LAMA3: variants seen among roughly 807,000 people sequenced by gnomAD.
LAMA3 encodes laminin subunit alpha-3.
A neutral mutation model predicts 402.0 loss-of-function variants in LAMA3; 281 were observed. The observed-to-expected ratio is 0.70, with a 90% CI of 0.63 to 0.77. The LOEUF is 0.77. Ranked by LOEUF, LAMA3 falls within the 30% of genes least tolerant of loss-of-function variation. The pLI, the probability that LAMA3 is intolerant of heterozygous loss-of-function variation, is 0.00. For missense variants in LAMA3, 3,840 were observed against 4,215.5 expected (o/e 0.91, Z 2.47); for synonymous variants, 1,431 against 1,558.4 (o/e 0.92, Z 1.93).
intron 8 of LAMA3, among the ~76,000 whole-genome samples, chr18:23,763,858 G>A (rs969002538): frequency 1.3e-5 from 2 of 152,168 alleles, no homozygotes; most frequent in Non-Finnish European, 2.9e-5. Flanking sequence ...AGTTATTAAT[G>A]TTAGTGCTGA....
intron 32 of LAMA3, among the ~76,000 whole-genome samples, chr18:23,855,784 T>G (rs757856606): frequency 6.6e-6 from 1 of 152,182 alleles, no homozygotes; most frequent in Non-Finnish European, 1.5e-5. Flanking sequence ...TATACCTACA[T>G]TACTCTAAGT....
intron 7 of LAMA3, among the ~76,000 whole-genome samples, chr18:23,758,729 A>T (rs2061905767): frequency 6.6e-6 from 1 of 152,230 alleles, no homozygotes; most frequent in South Asian, 2.1e-4. Context: ...AATGATGATG[A>T]CCATGCATGA....
intron 29 of LAMA3, among the ~76,000 whole-genome samples, chr18:23,844,022 G>A (rs1376528626): frequency 1.3e-5 from 2 of 152,114 alleles, no homozygotes; most frequent in South Asian, 2.1e-4. Context: ...TGGCCCTCCA[G>A]GTCTCTGAGT....
chr18:23,750,516 T>C (rs999127282), intron 4 of LAMA3, among the ~76,000 whole-genome samples: 2 of 145,434 alleles, frequency 1.4e-5, no homozygotes, highest in Non-Finnish European at 3.0e-5. Flanking sequence ...TTTTTCAACC[T>C]CATGTAGATT....
chr18:23,919,941 A>C (rs2081773622), intron 60 of LAMA3, among the ~76,000 whole-genome samples: 1 of 152,052 alleles, frequency 6.6e-6, no homozygotes. Context: ...TGTGGCTGAG[A>C]CTAGGTGGGA....
At chr18:23,867,116 G>A (rs2064377142) in intron 36 of LAMA3, among the ~76,000 whole-genome samples, 1 of 152,206 alleles carries the variant, frequency 6.6e-6, no homozygotes, top group African/African-American at 2.4e-5. Flanking sequence ...CATGCCAGCT[G>A]CAGCTCCCTG....
chr18:23,941,097 G>A (rs560212546), intron 68 of LAMA3, among the ~76,000 whole-genome samples: 3 of 151,864 alleles, frequency 2.0e-5, no homozygotes, highest in African/African-American at 4.8e-5. Flanking sequence ...CACCACGCCC[G>A]GCTAATTTTT....
intron 8 of LAMA3, among the ~76,000 whole-genome samples, chr18:23,770,481 G>T (rs1404888847): frequency 6.6e-6 from 1 of 152,126 alleles, no homozygotes; most frequent in African/African-American, 2.4e-5. Context: ...GCTTAACAAG[G>T]CCGGGTGCTG....
In LAMA3 at chr18:23,815,594, C is replaced by G. The variant is rs771931830; in HGVS notation, c.2047+21C>G. 4 of 1,481,608 alleles carry G rather than the reference C, an allele frequency of 2.7e-6. No homozygotes were observed. The African/African-American group carries it at 4.1e-5, about 15-fold the overall frequency. 91.8% of individuals were successfully genotyped at this position (1,481,608 alleles called of 1,614,324 possible). A position where few individuals can be genotyped will look rare whatever the true frequency, so the allele number is the denominator to read the frequency against. On this transcript the variant is annotated intron_variant, in intron 17 of 74. Coordinates refer to ENST00000313654, the MANE Select transcript of LAMA3 (RefSeq NM_198129.4). ...TCAAGGTAAATAAGTCCATTGGGCC[C>G]TGAGCAAAGCACAGTGTTGATGGAC...
At position 23,953,036 on chromosome 18, in the gene LAMA3, T is replaced by A; in HGVS notation, c.9783T>A (p.Ser3261Arg). The A allele has an allele frequency of 6.2e-7, 1 of 1,614,106 alleles. No individual in the cohort carries two copies. Among genetic ancestry groups the A allele is most frequent in the Non-Finnish European group, 8.5e-7 (1 of 1,179,974 alleles). ...TGCACCTGGAACTGGACACAGACAGTAGCTACACAGCTGGACAGATCCCCT... is the reference window on the plus strand; with the variant it reads ...TGCACCTGGAACTGGACACAGACAGAAGCTACACAGCTGGACAGATCCCCT... ...HILHLELDTD[S>R]SYTAGQIPFP... The change falls in exon 74 of 75, where the codon AGT becomes AGA. Residue 3261 changes from serine (S) to arginine (R), a missense_variant. Physicochemically the swap from Ser to Arg is moderately radical, Grantham distance 110 (BLOSUM62 -1). Transcript: ENST00000313654.
intron 27 of LAMA3, among the ~76,000 whole-genome samples, chr18:23,841,832 G>A (rs1461905550): frequency 6.6e-6 from 1 of 152,090 alleles, no homozygotes; most frequent in East Asian, 1.9e-4. Context: ...TGAAGTGGGA[G>A]GATCGTTTAA....
intron 68 of LAMA3, among the ~76,000 whole-genome samples, chr18:23,940,511 C>G (rs1324863629): frequency 1.3e-5 from 2 of 152,220 alleles, no homozygotes; most frequent in African/African-American, 4.8e-5. Context: ...CTATGCCTGT[C>G]TTGCGTGTTA....
rs550111025 is a variant in LAMA3, at chr18:23,840,923, G to C, written c.3336+994G>C. The stretch of plus-strand genomic sequence containing the variant: ...AAAATCTGAAATCCAAAATGTTCCA[G>C]TGAGAATTTCCTTTGAACGTTATAT... On this transcript the variant is annotated intron_variant, in intron 27 of 74. Coordinates refer to ENST00000313654, the MANE Select transcript of LAMA3 (RefSeq NM_198129.4). 2.6e-5 allele frequency among the ~76,000 whole-genome samples: 4 copies of C among 152,328 alleles called. No homozygotes were observed. In the East Asian group the frequency reaches 7.7e-4, roughly 29 times the overall value.
At chr18:23,872,831 C>T (rs2064567746) in intron 38 of LAMA3, 1 of 584,524 alleles carries the variant, frequency 1.7e-6, no homozygotes, top group African/African-American at 1.9e-5. Context: ...GCCCGCCCCA[C>T]CTCACAGGAA....
Position 23,839,668 on chromosome 18 carries a change from C to T in LAMA3, c.3192-117C>T. ...CTAGAGTTCTGTGCTTCCCCCAGCA[C>T]TGGATCCTTTTGATGCCCATGCAGT... On this transcript the variant is annotated intron_variant, in intron 26 of 74. Transcript: ENST00000313654. The surrounding 1 kb of genome is among the most constrained non-coding windows in gnomAD (Gnocchi z 4.5). 1 of 1,060,846 alleles carries T rather than the reference C, an allele frequency of 9.4e-7. No individual in the cohort carries two copies. Among genetic ancestry groups the T allele is most frequent in the South Asian group, 1.3e-5 (1 of 76,892 alleles). The allele number at this position is 1,060,846 out of a possible 1,614,324, so 65.7% of individuals were successfully genotyped here.
At chr18:23,795,995 C>G in intron 12 of LAMA3, 1 of 311,332 alleles carries the variant, frequency 3.2e-6, no homozygotes, top group South Asian at 2.8e-5. Context: ...AGCTCGTTCA[C>G]TCTCTCTCTC....
At chr18:23,721,686 C>T (rs948827) in intron 2 of LAMA3, among the ~76,000 whole-genome samples, 18 of 152,236 alleles carry the variant, frequency 1.2e-4, no homozygotes, top group East Asian at 3.9e-4. Flanking sequence ...TGTCTTGTGC[C>T]GTATTATCTC....
At chr18:23,803,633 A>G (rs565972833) in intron 12 of LAMA3, among the ~76,000 whole-genome samples, 35 of 152,232 alleles carry the variant, frequency 2.3e-4, no homozygotes, top group Non-Finnish European at 4.4e-4. Flanking sequence ...CCATTAATCA[A>G]TATGTAATTT....
rs1488065706 is a variant in LAMA3, at chr18:23,895,044, G to T, written c.5599G>T (p.Ala1867Ser). Residue 1867 changes from alanine to serine, a missense_variant, in exon 44 of 75, where the codon GCC (alanine) becomes TCC (serine). Ala to Ser is a moderately conservative substitution (Grantham distance 99). This residue lies in a region of LAMA3 where 891 missense variants were observed against 857.5 expected (regional missense o/e 1.04). Transcript: ENST00000313654. ...LEQMRHMETQ[A>S]KDLRNQLLNY... Reference sequence around the variant, plus strand: ...GCAGATGAGGCACATGGAGACCCAGGCCAAGGACCTGAGGGTAAATCCCCT... The same window carrying T: ...GCAGATGAGGCACATGGAGACCCAGTCCAAGGACCTGAGGGTAAATCCCCT... 1 of 1,603,728 alleles carries T rather than the reference G, an allele frequency of 6.2e-7. No individual in the cohort carries two copies.
Sources: allele counts gnomAD v4.1 joint callset (sites outside exome capture counted in the v4.1 genomes callset), GRCh38; gene constraint gnomAD v4.1.1; regional missense constraint gnomAD v4.1.1; non-coding constraint Gnocchi (gnomAD v3.1); transcripts MANE v1.5; gene names NCBI Gene and HGNC (gene_info 2026-07-23, HGNC 2026-07-21).